The following PTPN4 variants were observed in gnomAD, a reference collection of about 807,000 sequenced individuals.
PTPN4 encodes the protein protein tyrosine phosphatase non-receptor type 4.
In PTPN4, 49 loss-of-function variants were observed where a neutral mutation model predicts 135.5. The ratio of observed to expected loss-of-function variants is 0.36; its 90% CI spans 0.29 to 0.46. The LOEUF (loss-of-function observed/expected upper bound fraction) is 0.46, where lower values mean the gene tolerates loss of function less well. Among genes scored for constraint, PTPN4 ranks in the 20% least tolerant of loss-of-function variants. PTPN4 has a pLI of 1.00. For missense variants in PTPN4, 860 were observed against 1,101.0 expected (o/e 0.78, Z 3.10); for synonymous variants, 333 against 369.9 (o/e 0.90, Z 1.14).
chr2:119,956,519 T>G (rs1301440685), intron 20 of PTPN4, among the ~76,000 whole-genome samples: 1 of 152,240 alleles, frequency 6.6e-6, no homozygotes, highest in Non-Finnish European at 1.5e-5. Context: ...GTTCATAGAC[T>G]GTAAACACCT....
At chr2:119,807,307 TC>T (rs1364873129) in intron 1 of PTPN4, among the ~76,000 whole-genome samples, 2 of 152,118 alleles carry the variant, frequency 1.3e-5, no homozygotes, top group East Asian at 3.9e-4. Context: ...TTTGAAAAGA[TC>T]AACAAATTGA....
intron 22 of PTPN4, among the ~76,000 whole-genome samples, 184 bp from the exon 23 acceptor site, chr2:119,960,623 G>C (rs1207745831): frequency 6.6e-6 from 1 of 152,112 alleles, no homozygotes; most frequent in African/African-American, 2.4e-5. Flanking sequence ...TGTAACTGTT[G>C]AACATTGCCA....
chr2:119,975,980 TA>T (rs1260613498), intron 26 of PTPN4, among the ~76,000 whole-genome samples: 36 of 140,100 alleles, frequency 2.6e-4, no homozygotes, highest in African/African-American at 9.4e-4. Context: ...TATTTTATTT[TA>T]TTTTTATTTA....
intron 2 of PTPN4, among the ~76,000 whole-genome samples, chr2:119,843,218 CTTTTTTTT>C (rs779045976): frequency 2.0e-4 from 21 of 107,290 alleles, no homozygotes; most frequent in African/African-American, 3.6e-4. Flanking sequence ...ATGCATTTTT[CTTTTTTTT>C]TTTTTTTTTT....
At chr2:119,934,331 A>C (rs1678950488) in intron 14 of PTPN4, among the ~76,000 whole-genome samples, 2 of 152,208 alleles carry the variant, frequency 1.3e-5, no homozygotes, top group Admixed American at 6.5e-5. Context: ...TTGTAATTAA[A>C]AATTGTAATA....
intron 9 of PTPN4, among the ~76,000 whole-genome samples, chr2:119,893,745 G>C (rs111552423): frequency 1.3e-5 from 2 of 152,270 alleles, no homozygotes; most frequent in African/African-American, 4.8e-5. Flanking sequence ...GTGTGTCTCT[G>C]AAGCCAAGTA....
chr2:119,863,307 T>G (rs1413731083), intron 3 of PTPN4, among the ~76,000 whole-genome samples: 1 of 152,102 alleles, frequency 6.6e-6, no homozygotes, highest in Non-Finnish European at 1.5e-5. Context: ...TGAACCGAGA[T>G]AAAGGGTATA....
chr2:119,814,398 T>C (rs1369635656), intron 2 of PTPN4, among the ~76,000 whole-genome samples: 1 of 152,144 alleles, frequency 6.6e-6, no homozygotes, highest in East Asian at 1.9e-4. Context: ...CTCCAGTTCC[T>C]ATGGTGATTG....
chr2:119,860,161 C>A (rs1054654761), intron 2 of PTPN4, among the ~76,000 whole-genome samples: 1 of 152,168 alleles, frequency 6.6e-6, no homozygotes, highest in African/African-American at 2.4e-5. Context: ...AATGCTTGCT[C>A]TCTTCCCCAG....
Position 119,832,697 on chromosome 2 carries a change from A to G in PTPN4, c.138+22706A>G, listed in dbSNP as rs569514558. Among the ~76,000 whole-genome samples, 38 of 152,100 alleles carry G rather than the reference A, an allele frequency of 2.5e-4. No individual in the cohort carries two copies. In the East Asian group the frequency reaches 5.8e-3, roughly 23 times the overall value. On this transcript the variant is annotated intron_variant, in intron 2 of 26. Coordinates refer to ENST00000263708, the MANE Select transcript of PTPN4 (RefSeq NM_002830.4). ...TTATTCTGTTAATATTAGTAATTAC[A>G]TGTACTGCATTTGCAATACTGAATT...
chr2:119,878,689 CT>C (rs74600465), intron 5 of PTPN4, among the ~76,000 whole-genome samples: 199 of 129,772 alleles, frequency 1.5e-3, no homozygotes, highest in Middle Eastern at 4.0e-3. Flanking sequence ...GCAGGTGTTC[CT>C]TTTTTTTTTT....
chr2:119,832,724 T>G (rs945437521), intron 2 of PTPN4, among the ~76,000 whole-genome samples: 5 of 152,200 alleles, frequency 3.3e-5, no homozygotes, highest in African/African-American at 1.2e-4. Flanking sequence ...TACTGAATTT[T>G]CCATGAAATT....
In PTPN4 at chr2:119,843,223, T is replaced by C. The variant is rs796334543; in HGVS notation, c.139-19313T>C. On this transcript the variant is annotated intron_variant, in intron 2 of 26. Coordinates refer to ENST00000263708, the MANE Select transcript of PTPN4 (RefSeq NM_002830.4). Reference sequence around the variant, plus strand: ...AAGAATTGGTATGCATTTTTCTTTTTTTTTTTTTTTTTTTTGCACCGCCCT... The same window carrying C: ...AAGAATTGGTATGCATTTTTCTTTTCTTTTTTTTTTTTTTTGCACCGCCCT... Among the ~76,000 whole-genome samples, 1,027 of 144,984 alleles carry C rather than the reference T, an allele frequency of 7.1e-3. 5 individuals carry two copies. The highest frequency in any genetic ancestry group is 0.012 in the Non-Finnish European group (764 of 66,294).
At chr2:119,796,008 G>A (rs1163624188) in intron 1 of PTPN4, among the ~76,000 whole-genome samples, 2 of 152,204 alleles carry the variant, frequency 1.3e-5, no homozygotes, top group Non-Finnish European at 2.9e-5. Flanking sequence ...CTTCTTTGGG[G>A]TGCCTGCGGG....
intron 1 of PTPN4, 60 bp downstream of exon 1, chr2:119,760,444 T>TA (rs1339493375): frequency 5.1e-6 from 2 of 388,516 alleles, no homozygotes; most frequent in Non-Finnish European, 9.1e-6. Context: ...GGGAGGCTCT[T>TA]ACCTGCATGT....
chr2:119,952,576 A>G (rs1482654991), intron 19 of PTPN4, among the ~76,000 whole-genome samples: 4 of 152,214 alleles, frequency 2.6e-5, no homozygotes, highest in Non-Finnish European at 5.9e-5. Context: ...AGTACTCAAT[A>G]AATACTAGTT....
chr2:119,877,192 T>C, intron 3 of PTPN4, 131 bp from the exon 4 acceptor site: 1 of 833,074 alleles, frequency 1.2e-6, no homozygotes. Context: ...AATGCAATGA[T>C]TTTTTTCCTA....
chr2:119,818,601 C>T (rs1206636632), intron 2 of PTPN4, among the ~76,000 whole-genome samples: 1 of 152,172 alleles, frequency 6.6e-6, no homozygotes, highest in Admixed American at 6.5e-5. Context: ...AGAGAATGTA[C>T]AACAGAGACT....
chr2:119,904,899 G>A (rs1484247382), intron 10 of PTPN4, among the ~76,000 whole-genome samples: 1 of 152,018 alleles, frequency 6.6e-6, no homozygotes, highest in African/African-American at 2.4e-5. Context: ...AATGCTTAAG[G>A]GAGTCCCTAC....
Sources: allele counts gnomAD v4.1 joint callset (sites outside exome capture counted in the v4.1 genomes callset), GRCh38; gene constraint gnomAD v4.1.1; transcripts MANE v1.5; gene names NCBI Gene and HGNC (gene_info 2026-07-23, HGNC 2026-07-21).